GRK3: variants seen among roughly 807,000 people sequenced by gnomAD.
GRK3 encodes adrenergic, beta, receptor kinase 2.
GRK3 carries 54 observed loss-of-function variants against 95.7 expected under a neutral mutation model. The observed-to-expected ratio is 0.56, with a 90% confidence interval of 0.45 to 0.71. The LOEUF (loss-of-function observed/expected upper bound fraction) is 0.71. GRK3 is among the 30% of genes least tolerant of loss of function. The probability of loss-of-function intolerance (pLI) is 0.00; values close to 1 mark genes in which losing one functional copy is unlikely to be tolerated. For synonymous variants in GRK3, 281 were observed against 290.8 expected, an observed-to-expected ratio of 0.97 and a Z score of 0.34; for missense variants, 649 against 851.2, an observed-to-expected ratio of 0.76 and a Z score of 2.96.
intron 2 of GRK3, among the ~76,000 whole-genome samples, chr22:25,638,855 G>A (rs948767499): frequency 6.6e-6 from 1 of 152,138 alleles, no homozygotes; most frequent in East Asian, 1.9e-4. Context: ...TGGCAGTTGG[G>A]GTTGTCAATA....
At chr22:25,696,483 T>C (rs2085209779) in intron 13 of GRK3, among the ~76,000 whole-genome samples, 1 of 152,242 alleles carries the variant, frequency 6.6e-6, no homozygotes, top group Non-Finnish European at 1.5e-5. Flanking sequence ...CCATTAATTC[T>C]AAGACTTTTA....
intron 1 of GRK3, among the ~76,000 whole-genome samples, chr22:25,593,697 T>A (rs1306198908): frequency 6.6e-6 from 1 of 152,202 alleles, no homozygotes; most frequent in Non-Finnish European, 1.5e-5. Context: ...CACTTTAGAT[T>A]AATTGGGCCC....
chr22:25,695,084 T>A (rs2085196745), intron 12 of GRK3, 23 bp from the exon 13 acceptor site: 1 of 1,574,132 alleles, frequency 6.4e-7, no homozygotes, highest in Admixed American at 1.7e-5. Context: ...CTCTGATAAC[T>A]GTGTATACTT....
At chr22:25,674,683 C>G (rs957239935) in intron 8 of GRK3, among the ~76,000 whole-genome samples, 155 bp downstream of exon 8, 1 of 152,248 alleles carries the variant, frequency 6.6e-6, no homozygotes, top group Non-Finnish European at 1.5e-5. Context: ...GGCGTGGTGG[C>G]TCACGCCTGT....
Position 25,652,681 on chromosome 22 carries a change from A to C in GRK3, c.264+8016A>C, listed in dbSNP as rs147107881. ...AATTTCTAAGATAATTTATAAAAGA[A>C]TAGTGTATATAGTCATGCACTGCAT... On this transcript the variant is annotated intron_variant, in intron 3 of 20. Transcript: ENST00000324198. 1.0e-3 allele frequency among the ~76,000 whole-genome samples: 157 copies of C among 152,332 alleles called. 1 individual carries two copies. The highest frequency in any genetic ancestry group is 3.4e-3 in the Middle Eastern group (1 of 294).
intron 2 of GRK3, among the ~76,000 whole-genome samples, chr22:25,641,201 C>T (rs1178105781): frequency 1.3e-5 from 2 of 152,148 alleles, no homozygotes; most frequent in Non-Finnish European, 2.9e-5. Flanking sequence ...GAACTAAGTC[C>T]TTGGCTTATT....
chr22:25,612,143 T>C (rs1414633851), intron 2 of GRK3, among the ~76,000 whole-genome samples: 2 of 152,200 alleles, frequency 1.3e-5, no homozygotes, highest in African/African-American at 2.4e-5. Flanking sequence ...TTTAGTGTCA[T>C]ATTTAAGAGC....
At chr22:25,718,778 A>G (rs963661070) in intron 19 of GRK3, among the ~76,000 whole-genome samples, 1 of 152,232 alleles carries the variant, frequency 6.6e-6, no homozygotes, top group Non-Finnish European at 1.5e-5. Context: ...CCGTTTTCTC[A>G]TCTGTGAAAT....
chr22:25,567,607 T>C (rs1019847774), intron 1 of GRK3, among the ~76,000 whole-genome samples: 3 of 152,260 alleles, frequency 2.0e-5, no homozygotes, highest in African/African-American at 7.2e-5. Flanking sequence ...AGCTTCATTA[T>C]AGAGGAAGCC....
At chr22:25,647,036 A>G (rs952498900) in intron 3 of GRK3, among the ~76,000 whole-genome samples, 1 of 151,290 alleles carries the variant, frequency 6.6e-6, no homozygotes, top group South Asian at 2.1e-4. Flanking sequence ...AAAAAAAAAA[A>G]AAAAAAAGAA....
intron 3 of GRK3, chr22:25,648,112 C>T (rs538253129): frequency 6.8e-6 from 4 of 585,504 alleles, no homozygotes; most frequent in South Asian, 4.0e-5. Flanking sequence ...GCAAAAACTC[C>T]GTCTAAAAAA....
intron 18 of GRK3, among the ~76,000 whole-genome samples, chr22:25,716,459 G>T (rs771169023): frequency 6.6e-6 from 1 of 152,190 alleles, no homozygotes; most frequent in Non-Finnish European, 1.5e-5. Flanking sequence ...TCATAAGCAT[G>T]TTCAAGTGTA....
chr22:25,674,374 A>T, intron 7 of GRK3, 63 bp from the exon 8 acceptor site: 1 of 1,363,408 alleles, frequency 7.3e-7, no homozygotes, highest in Non-Finnish European at 1.0e-6. Flanking sequence ...TGCATGAAAA[A>T]ATCTTTAAAA....
intron 2 of GRK3, among the ~76,000 whole-genome samples, chr22:25,637,252 C>G (rs2084708936): frequency 6.6e-6 from 1 of 152,146 alleles, no homozygotes; most frequent in Admixed American, 6.6e-5. Flanking sequence ...GTTGTCAGGT[C>G]TTTAAGCTTG....
intron 2 of GRK3, among the ~76,000 whole-genome samples, chr22:25,608,752 G>A (rs750184335): frequency 7.8e-4 from 119 of 152,256 alleles, no homozygotes; most frequent in Non-Finnish European, 1.3e-3. Context: ...ATAAGAACCC[G>A]GGCTGACCGA....
chr22:25,608,321 A>G (rs112358466), intron 2 of GRK3, among the ~76,000 whole-genome samples: 82 of 150,618 alleles, frequency 5.4e-4, no homozygotes, highest in African/African-American at 1.2e-3. Context: ...TTATTCCTCA[A>G]TGGGAGGATA....
chr22:25,609,896 G>C (rs1387580554), intron 2 of GRK3, among the ~76,000 whole-genome samples: 1 of 145,698 alleles, frequency 6.9e-6, no homozygotes, highest in African/African-American at 2.6e-5. Context: ...CACCCAGGCT[G>C]GGGTGCAGTG....
At chr22:25,715,753 T>C (rs2085378921) in intron 18 of GRK3, among the ~76,000 whole-genome samples, 1 of 152,212 alleles carries the variant, frequency 6.6e-6, no homozygotes. Flanking sequence ...GTTAACCTTA[T>C]GTAACAAGAA....
intron 9 of GRK3, among the ~76,000 whole-genome samples, chr22:25,683,700 C>A (rs1379366367): frequency 6.6e-6 from 1 of 151,790 alleles, no homozygotes; most frequent in Non-Finnish European, 1.5e-5. Context: ...ATTTTTTTTC[C>A]CCATTTTTCT....
Sources: gnomAD v4.1 joint callset for allele counts (sites outside exome capture counted in the v4.1 genomes callset) on GRCh38, gnomAD v4.1.1 for gene constraint, MANE v1.5 for transcripts, NCBI Gene and HGNC (gene_info 2026-07-23, HGNC 2026-07-21) for gene names.